GAN: variants seen among roughly 807,000 people sequenced by gnomAD.
The protein encoded by GAN is epididymis secretory sperm binding protein.
GAN carries 48 observed loss-of-function variants against 71.3 expected under a neutral mutation model. The ratio of observed to expected loss-of-function variants is 0.67; its 90% confidence interval spans 0.53 to 0.86. The LOEUF (loss-of-function observed/expected upper bound fraction) is 0.86. Ranked by LOEUF, GAN falls within the 40% of genes least tolerant of loss-of-function variation. The pLI is 0.00. For synonymous variants in GAN, 386 were observed against 276.8 expected, an observed-to-expected ratio of 1.39 and a Z score of -3.92; for missense variants, 928 against 770.1, an observed-to-expected ratio of 1.21 and a Z score of -2.43.
chr16:81,375,425 C>T (rs1051839690), intron 9 of GAN, among the ~76,000 whole-genome samples: 1 of 150,302 alleles, frequency 6.7e-6, no homozygotes, highest in African/African-American at 2.5e-5. Context: ...CAGCCTTGAC[C>T]TCCTTGACTC....
chr16:81,361,874 T>C (rs894207119), intron 5 of GAN, among the ~76,000 whole-genome samples: 1 of 152,112 alleles, frequency 6.6e-6, no homozygotes, highest in Non-Finnish European at 1.5e-5. Context: ...TCATTATTTT[T>C]TGTAGAGATG....
intron 1 of GAN, among the ~76,000 whole-genome samples, chr16:81,327,783 G>C (rs1398345572): frequency 6.6e-6 from 1 of 150,378 alleles, no homozygotes; most frequent in Non-Finnish European, 1.5e-5. Flanking sequence ...GGGGAAACTT[G>C]TAAGAGTGCT....
chr16:81,334,072 C>G (rs917806081), intron 1 of GAN, among the ~76,000 whole-genome samples: 1 of 152,254 alleles, frequency 6.6e-6, no homozygotes, highest in Non-Finnish European at 1.5e-5. Context: ...CTTCAAATCA[C>G]ATGACTCTCA....
At chr16:81,346,667 G>A (rs985434210) in intron 1 of GAN, among the ~76,000 whole-genome samples, 1 of 152,180 alleles carries the variant, frequency 6.6e-6, no homozygotes, top group African/African-American at 2.4e-5. Flanking sequence ...CCAGTCCCTG[G>A]TGCCAAAAAG....
At chr16:81,354,027 G>A (rs1910398524) in intron 2 of GAN, among the ~76,000 whole-genome samples, 1 of 152,098 alleles carries the variant, frequency 6.6e-6, no homozygotes, top group Non-Finnish European at 1.5e-5. Flanking sequence ...TTCTGATGCT[G>A]GTACTTAATC....
chr16:81,340,536 C>A (rs138017977), intron 1 of GAN, among the ~76,000 whole-genome samples: 1 of 152,078 alleles, frequency 6.6e-6, no homozygotes, highest in Non-Finnish European at 1.5e-5. Context: ...AGACCTGCAG[C>A]TGAGGGGCCT....
At chr16:81,373,695 C>T (rs777940531) in intron 9 of GAN, among the ~76,000 whole-genome samples, 8 of 152,170 alleles carry the variant, frequency 5.3e-5, no homozygotes, top group Non-Finnish European at 1.0e-4. Context: ...CAGGATTCTA[C>T]CTTGCATTCA....
chr16:81,337,573 C>G (rs1008099572), intron 1 of GAN, among the ~76,000 whole-genome samples: 9 of 152,174 alleles, frequency 5.9e-5, no homozygotes, highest in Non-Finnish European at 1.3e-4. Flanking sequence ...ACTTTTCCAG[C>G]ATTTTGGAAG....
intron 9 of GAN, among the ~76,000 whole-genome samples, chr16:81,373,957 G>A (rs1324155092): frequency 6.6e-6 from 1 of 152,134 alleles, no homozygotes. Context: ...TGGCCAGGAT[G>A]GTCTTGATCT....
In GAN at chr16:81,356,961, C is replaced by G. The variant is rs1910509272; in HGVS notation, c.810C>G (p.Gly270=). The stretch of plus-strand genomic sequence containing the variant: ...TGCTGGCCAACTTCAAACCCCGGGG[C>G]TACTCTGAGTGCATCGTGACTGTTG... ...EAMLANFKPR[G]YSECIVTVGG... is the part of the protein sequence containing the mutation. The change falls in exon 4 of 11, where the codon GGC becomes GGG. Residue 270 remains glycine (G), a synonymous_variant. Coordinates refer to ENST00000648994, the MANE Select transcript of GAN (RefSeq NM_022041.4). 6.2e-7 allele frequency: 1 copy of G among 1,613,046 alleles called. No individual in the cohort carries two copies. Among genetic ancestry groups the G allele is most frequent in the Non-Finnish European group, 8.5e-7 (1 of 1,179,412 alleles).
At chr16:81,326,257 C>G (rs889286388) in intron 1 of GAN, among the ~76,000 whole-genome samples, 1 of 152,042 alleles carries the variant, frequency 6.6e-6, no homozygotes, top group Admixed American at 6.6e-5. Flanking sequence ...GTGGCTCAAG[C>G]CTATAATCCC....
chr16:81,350,501 A>G (rs1229136260), intron 1 of GAN, among the ~76,000 whole-genome samples: 1 of 147,120 alleles, frequency 6.8e-6, no homozygotes, highest in Non-Finnish European at 1.5e-5. Context: ...TTGTTTATTT[A>G]TTTATTTACT....
chr16:81,330,128 T>G (rs754891517), intron 1 of GAN, among the ~76,000 whole-genome samples: 9 of 152,308 alleles, frequency 5.9e-5, no homozygotes, highest in Non-Finnish European at 1.3e-4. Flanking sequence ...CTGCCCCTCC[T>G]CAAGTGCCAG....
chr16:81,325,025 C>T (rs1042817054), intron 1 of GAN, among the ~76,000 whole-genome samples: 6 of 151,446 alleles, frequency 4.0e-5, no homozygotes, highest in African/African-American at 1.4e-4. Context: ...GGATGACTCG[C>T]AGCCAGGGAT....
At position 81,378,811 on chromosome 16, in the gene GAN, A is replaced by T. The variant is rs1383609630; in HGVS notation, c.*1215A>T. Reference sequence around the variant, plus strand: ...CTCCTTCCCTCCTTTCCTATCTCTCATTCTCACCTCAACCCACTTTACCCC... The same window carrying T: ...CTCCTTCCCTCCTTTCCTATCTCTCTTTCTCACCTCAACCCACTTTACCCC... On this transcript the variant is annotated 3_prime_UTR_variant, in exon 11 of 11. Coordinates refer to ENST00000648994, the MANE Select transcript of GAN (RefSeq NM_022041.4). The T allele has an allele frequency of 1.3e-5, 2 of 152,652 alleles. No individual in the cohort carries two copies. The highest frequency in any genetic ancestry group is 3.9e-4 in the East Asian group (2 of 5,178). The allele number at this position is 152,652 out of a possible 1,614,324, so 9.5% of individuals were successfully genotyped here. A position where few individuals can be genotyped will look rare whatever the true frequency, so the allele number is the denominator to read the frequency against.
intron 1 of GAN, among the ~76,000 whole-genome samples, chr16:81,348,746 C>T (rs1342872429): frequency 6.6e-6 from 1 of 152,194 alleles, no homozygotes; most frequent in Admixed American, 6.5e-5. Context: ...TTGTTGAACA[C>T]AGGTTTTGCT....
At chr16:81,344,273 A>G (rs1455837988) in intron 1 of GAN, among the ~76,000 whole-genome samples, 1 of 152,202 alleles carries the variant, frequency 6.6e-6, no homozygotes, top group Non-Finnish European at 1.5e-5. Flanking sequence ...TAAACTTCAT[A>G]TGGAAGCAAA....
chr16:81,319,222 A>ATATC (rs1555508545), intron 1 of GAN, among the ~76,000 whole-genome samples: 22 of 148,566 alleles, frequency 1.5e-4, no homozygotes, highest in Non-Finnish European at 2.2e-4. Flanking sequence ...ATATATATAT[A>ATATC]TATCTAACAA....
intron 4 of GAN, 115 bp downstream of exon 4, chr16:81,357,117 T>G (rs1910516360): frequency 2.6e-6 from 2 of 783,546 alleles, no homozygotes; most frequent in Non-Finnish European, 4.5e-6. Context: ...TTGATTTTTT[T>G]TTTTATACTT....
Sources: gnomAD v4.1 joint callset for allele counts (sites outside exome capture counted in the v4.1 genomes callset) on GRCh38, gnomAD v4.1.1 for gene constraint, MANE v1.5 for transcripts, NCBI Gene and HGNC (gene_info 2026-07-23, HGNC 2026-07-21) for gene names.